Variants in KCNH7 observed in about 807,000 individuals in gnomAD.
KCNH7 encodes the protein voltage-gated inwardly rectifying potassium channel KCNH7.
In KCNH7, 49 loss-of-function variants were observed where a neutral mutation model predicts 120.8. The ratio of observed to expected loss-of-function variants is 0.41; its 90% CI spans 0.32 to 0.51. KCNH7 has a LOEUF of 0.51. KCNH7 is among the 20% of genes least tolerant of loss of function. KCNH7 has a pLI of 0.38. For synonymous variants in KCNH7, 547 were observed against 516.1 expected (o/e 1.06, Z -0.81); for missense variants, 1,097 against 1,446.6 (o/e 0.76, Z 3.92).
At chr2:162,808,230 A>C (rs2105561018) in intron 2 of KCNH7, among the ~76,000 whole-genome samples, 1 of 152,270 alleles carries the variant, frequency 6.6e-6, no homozygotes, top group Non-Finnish European at 1.5e-5. Context: ...AATTTGTATT[A>C]ATTTTTATTG....
chr2:162,451,639 T>C (rs527707188), intron 6 of KCNH7, among the ~76,000 whole-genome samples: 6 of 152,170 alleles, frequency 3.9e-5, no homozygotes, highest in African/African-American at 1.2e-4. Context: ...TTGATGAAGA[T>C]AGTTGGAAGG....
chr2:162,745,462 G>A (rs1037813796), intron 2 of KCNH7, among the ~76,000 whole-genome samples: 23 of 152,070 alleles, frequency 1.5e-4, no homozygotes, highest in African/African-American at 5.6e-4. Context: ...AGGAAGTGAT[G>A]TAGGTTAAGC....
chr2:162,487,399 G>A (rs1690135707), intron 6 of KCNH7, among the ~76,000 whole-genome samples: 1 of 152,116 alleles, frequency 6.6e-6, no homozygotes, highest in Non-Finnish European at 1.5e-5. Context: ...TGGCAGAAGA[G>A]GTCACAAATG....
chr2:162,576,769 A>T (rs1693683577), intron 2 of KCNH7, among the ~76,000 whole-genome samples: 1 of 152,070 alleles, frequency 6.6e-6, no homozygotes, highest in Non-Finnish European at 1.5e-5. Flanking sequence ...AAAAGAAAGA[A>T]GTGAGGAGAA....
chr2:162,777,820 T>A (rs1475930222), intron 2 of KCNH7, among the ~76,000 whole-genome samples: 4 of 152,156 alleles, frequency 2.6e-5, no homozygotes, highest in African/African-American at 9.6e-5. Flanking sequence ...TGTATTTTAT[T>A]TGGTCCCTTG....
At chr2:162,671,238 A>G (rs906976722) in intron 2 of KCNH7, among the ~76,000 whole-genome samples, 2 of 152,192 alleles carry the variant, frequency 1.3e-5, no homozygotes, top group African/African-American at 4.8e-5. Flanking sequence ...TTATTTTATC[A>G]AAAAGACACC....
At chr2:162,768,615 A>AT (rs966437276) in intron 2 of KCNH7, among the ~76,000 whole-genome samples, 2 of 152,106 alleles carry the variant, frequency 1.3e-5, no homozygotes, top group Admixed American at 1.3e-4. Context: ...GGCCAGTAGG[A>AT]TTTTTTTAAA....
chr2:162,556,001 G>A (rs1692844497), intron 2 of KCNH7, among the ~76,000 whole-genome samples: 1 of 151,966 alleles, frequency 6.6e-6, no homozygotes, highest in South Asian at 2.1e-4. Flanking sequence ...ATTAGAACAT[G>A]ATGTGATTAC....
At chr2:162,699,983 T>C (rs575821544) in intron 2 of KCNH7, among the ~76,000 whole-genome samples, 32 of 152,256 alleles carry the variant, frequency 2.1e-4, no homozygotes, top group African/African-American at 7.0e-4. Context: ...ACTTTTTTTT[T>C]CATTAAAAAC....
chr2:162,424,655 A>G (rs1283034523), intron 8 of KCNH7, among the ~76,000 whole-genome samples: 1 of 152,194 alleles, frequency 6.6e-6, no homozygotes, highest in Non-Finnish European at 1.5e-5. Flanking sequence ...ATCATTTTCA[A>G]AGTAAGCTTT....
chr2:162,604,732 G>T (rs896624623), intron 2 of KCNH7, among the ~76,000 whole-genome samples: 1 of 151,844 alleles, frequency 6.6e-6, no homozygotes, highest in Non-Finnish European at 1.5e-5. Context: ...TCTATTTATC[G>T]TTTTTGATTT....
At chr2:162,518,278 T>C (rs940065944) in intron 3 of KCNH7, 120 bp from the exon 4 acceptor site, 8 of 731,446 alleles carry the variant, frequency 1.1e-5, no homozygotes, top group East Asian at 5.4e-5. Flanking sequence ...TCAATGGTTA[T>C]AGTTGGAATA....
At position 162,518,146 on chromosome 2, in the gene KCNH7, C is replaced by G. The variant is rs755623716; in HGVS notation, c.476G>C (p.Gly159Ala). 5.0e-6 allele frequency: 8 copies of G among 1,606,078 alleles called. No homozygotes were observed. In the South Asian group the frequency reaches 5.5e-5, roughly 11 times the overall value. ...AACTCTCAGACCAGGGAATTTGAAC[C>G]CAAAAAATTTCCCTATAAATGGAGA... The part of the protein sequence containing the change: ...PIKTVNRKFF[G>A]FKFPGLRVLT... The change falls in exon 4 of 16, where the codon GGG becomes GCG. Residue 159 changes from glycine to alanine, a missense_variant. Around this residue, in one of 8 missense-constraint regions of KCNH7, gnomAD observed 362 missense variants for 372.2 expected, o/e 0.97. Coordinates refer to ENST00000332142, the MANE Select transcript of KCNH7 (RefSeq NM_033272.4).
intron 2 of KCNH7, among the ~76,000 whole-genome samples, chr2:162,788,921 A>G (rs1015045457): frequency 2.0e-5 from 3 of 150,844 alleles, no homozygotes; most frequent in African/African-American, 7.3e-5. Flanking sequence ...CAATAAGACT[A>G]TCAGAAGATT....
intron 6 of KCNH7, among the ~76,000 whole-genome samples, chr2:162,498,547 C>T (rs2105737883): frequency 6.6e-6 from 1 of 151,910 alleles, no homozygotes; most frequent in South Asian, 2.1e-4. Context: ...AATTTGAATT[C>T]CTATCTTCAT....
chr2:162,484,254 G>GAC (rs201389689), intron 6 of KCNH7, among the ~76,000 whole-genome samples: 2,978 of 148,114 alleles, frequency 0.02, 206 homozygotes, highest in Admixed American at 0.15. Flanking sequence ...CACACAGAGA[G>GAC]ACACACACAC....
At chr2:162,624,078 C>T (rs1683459184) in intron 2 of KCNH7, among the ~76,000 whole-genome samples, 1 of 152,120 alleles carries the variant, frequency 6.6e-6, no homozygotes, top group African/African-American at 2.4e-5. Context: ...CTATACACTG[C>T]CTGCCCACCT....
intron 3 of KCNH7, among the ~76,000 whole-genome samples, chr2:162,522,386 T>A (rs181066143): frequency 6.6e-6 from 1 of 152,058 alleles, no homozygotes; most frequent in Admixed American, 6.6e-5. Context: ...TATAGTTTAG[T>A]CATATCCAGT....
chr2:162,471,108 C>A (rs570908749), intron 6 of KCNH7, among the ~76,000 whole-genome samples: 19 of 152,144 alleles, frequency 1.2e-4, no homozygotes, highest in Admixed American at 8.5e-4. Context: ...ACAAACACTG[C>A]GGAGGGCCGC....
Sources: allele counts gnomAD v4.1 joint callset (sites outside exome capture counted in the v4.1 genomes callset), GRCh38; gene constraint gnomAD v4.1.1; regional missense constraint gnomAD v4.1.1; transcripts MANE v1.5; gene names NCBI Gene and HGNC (gene_info 2026-07-23, HGNC 2026-07-21).